SPIDR: variants seen among roughly 807,000 people sequenced by gnomAD.
SPIDR encodes scaffold protein involved in DNA repair.
SPIDR carries 93 observed loss-of-function variants against 104.6 expected under a neutral mutation model. That is an observed-to-expected ratio of 0.89 (90% CI 0.75 to 1.06). SPIDR has a LOEUF of 1.06. Among genes scored for constraint, SPIDR ranks in the 50% least tolerant of loss-of-function variants. The pLI, the probability that SPIDR is intolerant of heterozygous loss-of-function variation, is 0.00. For synonymous variants in SPIDR, 431 were observed against 416.9 expected (o/e 1.03, Z -0.41); for missense variants, 1,154 against 1,111.2 (o/e 1.04, Z -0.55).
chr8:47,719,594 C>A (rs968860979), intron 16 of SPIDR, among the ~76,000 whole-genome samples: 6 of 152,120 alleles, frequency 3.9e-5, no homozygotes, highest in Non-Finnish European at 8.8e-5. Context: ...TGGGAATTTG[C>A]CTTCTCCAAG....
chr8:47,601,295 A>C (rs964069741), intron 10 of SPIDR, among the ~76,000 whole-genome samples: 1 of 152,210 alleles, frequency 6.6e-6, no homozygotes, highest in African/African-American at 2.4e-5. Flanking sequence ...GCAGATGAGG[A>C]AACACAGCCT....
chr8:47,290,669 C>T (rs1358182380), intron 3 of SPIDR, among the ~76,000 whole-genome samples: 2 of 152,190 alleles, frequency 1.3e-5, no homozygotes, highest in African/African-American at 4.8e-5. Context: ...TAAGTTTTGA[C>T]TTTGTGTTTT....
chr8:47,495,596 C>T (rs2079320279), intron 8 of SPIDR, among the ~76,000 whole-genome samples: 1 of 152,026 alleles, frequency 6.6e-6, no homozygotes, highest in Admixed American at 6.6e-5. Flanking sequence ...GGTATCATAT[C>T]TAAGGAGCCA....
At position 47,616,082 on chromosome 8, in the gene SPIDR, A is replaced by T. The variant is rs1028047175; in HGVS notation, c.1544+16886A>T. 3.9e-4 allele frequency among the ~76,000 whole-genome samples: 60 copies of T among 152,312 alleles called. 1 individual carries two copies. The highest frequency in any genetic ancestry group is 2.9e-3 in the Admixed American group (45 of 15,290). On this transcript the variant is annotated intron_variant, in intron 10 of 19. Transcript: ENST00000297423. The stretch of plus-strand genomic sequence containing the variant: ...CTGTAACAGATTTTTGTGGATTTTT[A>T]AAAAATTTTCTACATAAAAGATTGT...
chr8:47,582,754 C>T (rs1447038602), intron 8 of SPIDR, among the ~76,000 whole-genome samples: 3 of 151,484 alleles, frequency 2.0e-5, no homozygotes, highest in Non-Finnish European at 4.4e-5. Flanking sequence ...CTAACACTTT[C>T]GGAGGCAGAG....
intron 14 of SPIDR, among the ~76,000 whole-genome samples, chr8:47,705,601 C>T (rs2080966084): frequency 6.6e-6 from 1 of 152,180 alleles, no homozygotes; most frequent in African/African-American, 2.4e-5. Flanking sequence ...TGCTGGAACT[C>T]CAGTCATAAA....
At chr8:47,367,305 G>A (rs1403273415) in intron 5 of SPIDR, among the ~76,000 whole-genome samples, 3 of 152,176 alleles carry the variant, frequency 2.0e-5, no homozygotes, top group Admixed American at 1.3e-4. Context: ...TGCAGGAGCT[G>A]AATTCTGCTA....
chr8:47,501,778 G>T (rs1298257755), intron 8 of SPIDR, among the ~76,000 whole-genome samples: 2 of 152,126 alleles, frequency 1.3e-5, no homozygotes, highest in South Asian at 4.1e-4. Flanking sequence ...TTGGCTGTGG[G>T]TTTGTCATAG....
At chr8:47,456,479 C>A (rs1171904700) in intron 8 of SPIDR, among the ~76,000 whole-genome samples, 1 of 152,144 alleles carries the variant, frequency 6.6e-6, no homozygotes, top group Non-Finnish European at 1.5e-5. Flanking sequence ...TACCGAATAT[C>A]TTTTCTGTTC....
intron 7 of SPIDR, among the ~76,000 whole-genome samples, chr8:47,432,997 G>A (rs1376409018): frequency 1.3e-5 from 2 of 152,124 alleles, no homozygotes; most frequent in Non-Finnish European, 2.9e-5. Flanking sequence ...AAAAATTTAT[G>A]TCTTGATACC....
At chr8:47,301,284 T>G (rs2042038434) in intron 5 of SPIDR, among the ~76,000 whole-genome samples, 1 of 152,208 alleles carries the variant, frequency 6.6e-6, no homozygotes, top group Non-Finnish European at 1.5e-5. Flanking sequence ...CCTTTTTTTG[T>G]TTTCCATTTC....
chr8:47,414,632 C>T (rs2154329240), intron 7 of SPIDR, among the ~76,000 whole-genome samples: 1 of 152,128 alleles, frequency 6.6e-6, no homozygotes, highest in South Asian at 2.1e-4. Context: ...TATATTTATT[C>T]AAGTTGTTGT....
chr8:47,542,777 C>T (rs1587467114), intron 8 of SPIDR, among the ~76,000 whole-genome samples: 1 of 152,106 alleles, frequency 6.6e-6, no homozygotes, highest in Non-Finnish European at 1.5e-5. Flanking sequence ...TGAATGTAGT[C>T]AAGATATAAT....
intron 1 of SPIDR, among the ~76,000 whole-genome samples, chr8:47,264,139 C>T (rs1468147607): frequency 6.6e-6 from 1 of 152,178 alleles, no homozygotes; most frequent in Admixed American, 6.5e-5. Context: ...TTGGACAAGC[C>T]ACACAGATAT....
intron 7 of SPIDR, among the ~76,000 whole-genome samples, chr8:47,412,785 TG>T (rs1279769191): frequency 1.3e-5 from 2 of 152,242 alleles, no homozygotes; most frequent in Non-Finnish European, 2.9e-5. Flanking sequence ...GTGAATGACC[TG>T]GAACTGGAGT....
intron 8 of SPIDR, among the ~76,000 whole-genome samples, chr8:47,582,855 CACACACACACACACAT>C (rs993913954): frequency 6.8e-5 from 10 of 146,322 alleles, no homozygotes; most frequent in Non-Finnish European, 8.9e-5. Context: ...CACACACACA[CACACACACACACACAT>C]ATTTTTAAAA....
chr8:47,645,901 T>G (rs182731925), intron 10 of SPIDR, among the ~76,000 whole-genome samples: 1 of 152,278 alleles, frequency 6.6e-6, no homozygotes, highest in African/African-American at 2.4e-5. Context: ...CTAGAAGAAA[T>G]AGTGGGAGAA....
At chr8:47,625,677 C>G (rs1170523777) in intron 10 of SPIDR, among the ~76,000 whole-genome samples, 3 of 151,664 alleles carry the variant, frequency 2.0e-5, no homozygotes, top group Non-Finnish European at 2.9e-5. Context: ...ATCCAACTTA[C>G]AAGGGACGTG....
chr8:47,564,171 C>T (rs1173011513), intron 8 of SPIDR, among the ~76,000 whole-genome samples: 2 of 150,714 alleles, frequency 1.3e-5, no homozygotes, highest in South Asian at 2.1e-4. Context: ...CTCCACCTCC[C>T]GGGTTCAAGC....
Sources: gnomAD v4.1 joint callset for allele counts (sites outside exome capture counted in the v4.1 genomes callset) on GRCh38, gnomAD v4.1.1 for gene constraint, MANE v1.5 for transcripts, NCBI Gene and HGNC (gene_info 2026-07-23, HGNC 2026-07-21) for gene names.